WWP1: variants seen among roughly 807,000 people sequenced by gnomAD.
The protein encoded by WWP1 is NEDD4-like E3 ubiquitin-protein ligase WWP1.
A neutral mutation model predicts 130.6 loss-of-function variants in WWP1; 49 were observed. That is an observed-to-expected ratio of 0.38 (90% CI 0.30 to 0.48). The LOEUF is 0.48. WWP1 is among the 20% of genes least tolerant of loss of function. WWP1 has a pLI of 0.99. For synonymous variants in WWP1, 332 were observed against 367.8 expected (o/e 0.90, Z 1.11); for missense variants, 809 against 1,100.6 (o/e 0.74, Z 3.75).
chr8:86,355,727 T>TAA (rs1823215711), intron 1 of WWP1, among the ~76,000 whole-genome samples: 1 of 152,200 alleles, frequency 6.6e-6, no homozygotes, highest in South Asian at 2.1e-4. Flanking sequence ...TAATTGTTCT[T>TAA]TCTCTTTTAA....
At chr8:86,345,496 G>A (rs899389610) in intron 1 of WWP1, among the ~76,000 whole-genome samples, 17 of 151,996 alleles carry the variant, frequency 1.1e-4, no homozygotes, top group Admixed American at 9.2e-4. Context: ...TGCAACCTCC[G>A]CCTCCCAGGC....
chr8:86,406,755 A>G (rs2130536102), intron 8 of WWP1, among the ~76,000 whole-genome samples: 1 of 152,324 alleles, frequency 6.6e-6, no homozygotes, highest in South Asian at 2.1e-4. Context: ...CATCACCAGA[A>G]GACTCCCTCA....
At position 86,342,759 on chromosome 8, in the gene WWP1, C is replaced by G; in HGVS notation, c.-286C>G. On this transcript the variant is annotated 5_prime_UTR_variant, in exon 1 of 25. Coordinates refer to ENST00000517970, the MANE Select transcript of WWP1 (RefSeq NM_007013.4). Reference sequence around the variant, plus strand: ...TGTCGGCGAGCTCCGCGTGCGGGTTCCGAGTGGCTGCTGGCGGCCTGGGCT... The same window carrying G: ...TGTCGGCGAGCTCCGCGTGCGGGTTGCGAGTGGCTGCTGGCGGCCTGGGCT... 2.7e-6 allele frequency: 1 copy of G among 365,016 alleles called. No individual in the cohort carries two copies. The highest frequency in any genetic ancestry group is 4.9e-6 in the Non-Finnish European group (1 of 204,544). 22.6% of individuals were successfully genotyped at this position (365,016 alleles called of 1,614,324 possible). A position where few individuals can be genotyped will look rare whatever the true frequency, so the allele number is the denominator to read the frequency against.
At chr8:86,344,935 G>A (rs1470791438) in intron 1 of WWP1, among the ~76,000 whole-genome samples, 1 of 152,100 alleles carries the variant, frequency 6.6e-6, no homozygotes, top group Non-Finnish European at 1.5e-5. Flanking sequence ...CCGGTGGTGG[G>A]GCTTCCACAG....
chr8:86,428,938 G>T (rs2130663456), intron 11 of WWP1, among the ~76,000 whole-genome samples: 1 of 152,272 alleles, frequency 6.6e-6, no homozygotes, highest in South Asian at 2.1e-4. Flanking sequence ...TCAGAAGAAT[G>T]TTATCTTGCA....
chr8:86,427,974 A>G (rs1809726997), intron 11 of WWP1, among the ~76,000 whole-genome samples, 157 bp downstream of exon 11: 1 of 151,842 alleles, frequency 6.6e-6, no homozygotes, highest in South Asian at 2.1e-4. Flanking sequence ...GTTAATCTTT[A>G]ATAAATAGTG....
At chr8:86,430,593 GA>G in intron 11 of WWP1, 103 bp from the exon 12 acceptor site, 1 of 960,242 alleles carries the variant, frequency 1.0e-6, no homozygotes, top group African/African-American at 1.7e-5. Context: ...CATATTTTTA[GA>G]AAATTATTAT....
rs140621249 is a variant in WWP1 at position 86,363,638 on chromosome 8, C to T, written c.-114-5301C>T. ...CCAACATGGTGAAACCCCGTCTCTA[C>T]GAAAAATAAACAAATTAGCCGGGTG... is the stretch of plus-strand genomic sequence containing the variant. On this transcript the variant is annotated intron_variant, in intron 1 of 24. Coordinates refer to ENST00000517970, the MANE Select transcript of WWP1 (RefSeq NM_007013.4). Among the ~76,000 whole-genome samples, 517 of 151,862 alleles carry T rather than the reference C, an allele frequency of 3.4e-3. 3 individuals are homozygous for T. The highest frequency in any genetic ancestry group is 0.012 in the African/African-American group (483 of 41,424).
At chr8:86,433,495 C>A (rs1810110340) in intron 14 of WWP1, among the ~76,000 whole-genome samples, 1 of 151,654 alleles carries the variant, frequency 6.6e-6, no homozygotes, top group Non-Finnish European at 1.5e-5. Flanking sequence ...GGGTAGATCA[C>A]TTGAGCCCAG....
Position 86,442,615 on chromosome 8 carries a change from A to G in WWP1, c.1839-4A>G, listed in dbSNP as rs1257331650. 1 of 1,588,018 alleles carries G rather than the reference A, an allele frequency of 6.3e-7. No individual in the cohort carries two copies. The highest frequency in any genetic ancestry group is 2.2e-5 in the East Asian group (1 of 44,586). ...AAAAATAACCTTGACTTATTTTCTT[A>G]TAGAGAATGGTTTTTCTTGCTTTCA... is the stretch of plus-strand genomic sequence containing the variant. On this transcript the variant is annotated splice_polypyrimidine_tract_variant and splice_region_variant and intron_variant, in intron 17 of 24. Transcript: ENST00000517970.
chr8:86,350,272 T>C (rs549447229), intron 1 of WWP1, among the ~76,000 whole-genome samples: 16 of 152,350 alleles, frequency 1.1e-4, no homozygotes, highest in African/African-American at 2.6e-4. Context: ...ATTTTTTGTT[T>C]GTTTGTTTTT....
intron 20 of WWP1, 152 bp from the exon 21 acceptor site, chr8:86,452,407 T>C: frequency 5.5e-6 from 3 of 544,156 alleles, no homozygotes; most frequent in Non-Finnish European, 6.0e-6. Flanking sequence ...TAAAATTATA[T>C]GTATTCATAC....
intron 1 of WWP1, among the ~76,000 whole-genome samples, chr8:86,368,640 C>G (rs1824109755): frequency 6.6e-6 from 1 of 152,100 alleles, no homozygotes; most frequent in South Asian, 2.1e-4. Flanking sequence ...ATAAACTATT[C>G]CATAGGATCC....
chr8:86,463,090 G>A lies in WWP1; in HGVS notation c.2669+1244G>A, dbSNP rs111990984. ...GTTGTTTGAGTTGAAAGCTGAACTA[G>A]CTTGCTTTCTTTTATGGAACACTAT... On this transcript the variant is annotated intron_variant, in intron 24 of 24. Transcript: ENST00000517970. Among the ~76,000 whole-genome samples, 1,046 of 152,202 alleles carry A rather than the reference G, an allele frequency of 6.9e-3. 7 individuals are homozygous for A. The highest frequency in any genetic ancestry group is 0.023 in the African/African-American group (966 of 41,514).
At chr8:86,417,899 G>T (rs1197142894) in intron 9 of WWP1, among the ~76,000 whole-genome samples, 1 of 152,142 alleles carries the variant, frequency 6.6e-6, no homozygotes, top group African/African-American at 2.4e-5. Context: ...CTGTTGTGTA[G>T]CACCTGTTGT....
intron 14 of WWP1, 137 bp from the exon 15 acceptor site, chr8:86,435,315 T>G (rs1810229827): frequency 2.4e-6 from 2 of 820,630 alleles, no homozygotes; most frequent in South Asian, 3.5e-5. Flanking sequence ...TGGCCCACCA[T>G]GTATGTATAC....
intron 1 of WWP1, among the ~76,000 whole-genome samples, chr8:86,368,390 T>G (rs567809168): frequency 1.1e-3 from 168 of 152,272 alleles, no homozygotes; most frequent in African/African-American, 3.8e-3. Flanking sequence ...GTGGGAAATT[T>G]TAGTTTTTCA....
chr8:86,398,737 A>G lies in WWP1; in HGVS notation c.539+99A>G, dbSNP rs1056332197. 22 of 1,296,130 alleles carry G rather than the reference A, an allele frequency of 1.7e-5. No homozygotes were observed. In the African/African-American group the frequency reaches 3.3e-4, roughly 19 times the overall value. The allele number at this position is 1,296,130 out of a possible 1,614,324, so 80.3% of individuals were successfully genotyped here. ...TACCTTAGTTTAGAATTTGCCACAC[A>G]GTTTAGAAGCTTATGTCTAAGCATG... is the stretch of plus-strand genomic sequence containing the variant. On this transcript the variant is annotated intron_variant, in intron 7 of 24. Coordinates refer to ENST00000517970, the MANE Select transcript of WWP1 (RefSeq NM_007013.4).
intron 8 of WWP1, among the ~76,000 whole-genome samples, chr8:86,409,300 C>G (rs574421278): frequency 1.5e-5 from 2 of 137,376 alleles, no homozygotes; most frequent in African/African-American, 2.7e-5. Context: ...GTGGCGTGAT[C>G]CTGGCTCACT....
Sources: gnomAD v4.1 joint callset for allele counts (sites outside exome capture counted in the v4.1 genomes callset) on GRCh38, gnomAD v4.1.1 for gene constraint, MANE v1.5 for transcripts, NCBI Gene and HGNC (gene_info 2026-07-23, HGNC 2026-07-21) for gene names.